The following PDLIM3 variants were observed in gnomAD, a reference collection of about 807,000 sequenced individuals.
PDLIM3 encodes PDZ and LIM domain 3.
A neutral mutation model predicts 37.3 loss-of-function variants in PDLIM3; 36 were observed. The ratio of observed to expected loss-of-function variants is 0.97; its 90% CI spans 0.74 to 1.28. The LOEUF is 1.28. Among genes scored for constraint, PDLIM3 ranks in the 50% most tolerant of loss-of-function variants. PDLIM3 has a pLI of 0.00. For missense variants in PDLIM3, 454 were observed against 485.0 expected (o/e 0.94, Z 0.60); for synonymous variants, 174 against 182.4 (o/e 0.95, Z 0.37).
At chr4:185,527,361 A>G (rs773738282) in intron 1 of PDLIM3, among the ~76,000 whole-genome samples, 1 of 152,222 alleles carries the variant, frequency 6.6e-6, no homozygotes, top group Non-Finnish European at 1.5e-5. Flanking sequence ...GGTTCTAAGG[A>G]AGATACAAGT....
At position 185,514,717 on chromosome 4, in the gene PDLIM3, A is replaced by G. The variant is rs1475250296; in HGVS notation, c.331-380T>C. On this transcript the variant is annotated intron_variant, in intron 3 of 7. Transcript: ENST00000284767. This position sits in a 1 kb window ranked among gnomAD's most constrained non-coding sequence, Gnocchi z 4.0. The stretch of plus-strand genomic sequence containing the variant: ...CGGATACTTACTTTTGAGGTGAGCT[A>G]GGAATGAGACCCCGCAGCTGTCCGT... The G allele has an allele frequency of 6.4e-7, 1 of 1,552,114 alleles. No homozygotes were observed. Among genetic ancestry groups the G allele is most frequent in the East Asian group, 2.4e-5 (1 of 40,916 alleles).
intron 1 of PDLIM3, among the ~76,000 whole-genome samples, chr4:185,533,752 A>G (rs1356606316): frequency 6.6e-6 from 1 of 152,222 alleles, no homozygotes; most frequent in Non-Finnish European, 1.5e-5. Context: ...TATAATGTCA[A>G]CAACTCAAAA....
chr4:185,505,452 C>A lies in PDLIM3; in HGVS notation c.794-866G>T, dbSNP rs529767961. Among the ~76,000 whole-genome samples, 72 of 152,222 alleles carry A rather than the reference C, an allele frequency of 4.7e-4. No individual in the cohort carries two copies. The Middle Eastern group carries it at 0.01, about 22-fold the overall frequency. On this transcript the variant is annotated intron_variant, in intron 6 of 7. Coordinates refer to ENST00000284767, the MANE Select transcript of PDLIM3 (RefSeq NM_014476.6). ...GCCTGGCCAAGAGGTAAAACCCCGTCTCTACCAAAAATACAAAAATTAGCC... is the reference window on the plus strand; with the variant it reads ...GCCTGGCCAAGAGGTAAAACCCCGTATCTACCAAAAATACAAAAATTAGCC...
Position 185,514,836 on chromosome 4 carries a change from C to T in PDLIM3, c.331-499G>A, listed in dbSNP as rs2095712434. On this transcript the variant is annotated intron_variant, in intron 3 of 7. Coordinates refer to ENST00000284767, the MANE Select transcript of PDLIM3 (RefSeq NM_014476.6). The surrounding 1 kb of genome is among the most constrained non-coding windows in gnomAD (Gnocchi z 4.0). ...TGTCTTTTGTCATCAATGTTTGCAG[C>T]TGCAACAAAAGGCTGGGCCCTTCTG... is the stretch of plus-strand genomic sequence containing the variant. 2 of 1,551,708 alleles carry T rather than the reference C, an allele frequency of 1.3e-6. No individual in the cohort carries two copies. The highest frequency in any genetic ancestry group is 1.7e-6 in the Non-Finnish European group (2 of 1,146,994).
chr4:185,532,397 A>AG (rs2095746176), intron 1 of PDLIM3, among the ~76,000 whole-genome samples: 1 of 152,256 alleles, frequency 6.6e-6, no homozygotes, highest in African/African-American at 2.4e-5. Context: ...TGACATAAGG[A>AG]GGGGTTATAC....
Position 185,504,950 on chromosome 4 carries a change from T to G in PDLIM3, c.794-364A>C, listed in dbSNP as rs1403126327. Among the ~76,000 whole-genome samples, 1 of 152,144 alleles carries G rather than the reference T, an allele frequency of 6.6e-6. No homozygotes were observed. Among genetic ancestry groups the G allele is most frequent in the Non-Finnish European group, 1.5e-5 (1 of 68,014 alleles). ...AAATGTTGTGCAAGCACTGCCAATA[T>G]CCACCTCCAGAACTATTTCTTCACC... On this transcript the variant is annotated intron_variant, in intron 6 of 7. Coordinates refer to ENST00000284767, the MANE Select transcript of PDLIM3 (RefSeq NM_014476.6). This position sits in a 1 kb window ranked among gnomAD's most constrained non-coding sequence, Gnocchi z 4.7.
At chr4:185,524,297 C>T (rs919499986) in intron 2 of PDLIM3, among the ~76,000 whole-genome samples, 10 of 152,138 alleles carry the variant, frequency 6.6e-5, no homozygotes, top group African/African-American at 4.8e-5. Flanking sequence ...CCCAAGGAAA[C>T]GGCAGATTGG....
At chr4:185,503,155 C>T (rs1210850048) in intron 7 of PDLIM3, among the ~76,000 whole-genome samples, 12 of 152,180 alleles carry the variant, frequency 7.9e-5, no homozygotes, top group Middle Eastern at 3.4e-3. Flanking sequence ...ACCCGGGAGG[C>T]GGAGGTTGCA....
chr4:185,518,391 C>A (rs946665524), intron 3 of PDLIM3, among the ~76,000 whole-genome samples: 2 of 151,898 alleles, frequency 1.3e-5, no homozygotes, highest in African/African-American at 4.8e-5. Context: ...AATTCTGAAC[C>A]ATCTCCAACA....
chr4:185,515,336 A>C (rs2095713333), intron 3 of PDLIM3: 1 of 152,448 alleles, frequency 6.6e-6, no homozygotes, highest in Non-Finnish European at 1.5e-5. Flanking sequence ...ATTTTGAGAC[A>C]TGAGGGAACA....
chr4:185,505,783 T>A (rs1188062098), intron 6 of PDLIM3, among the ~76,000 whole-genome samples: 1 of 152,214 alleles, frequency 6.6e-6, no homozygotes, highest in African/African-American at 2.4e-5. Context: ...TACCTTCCCA[T>A]CAGTAATGCA....
At chr4:185,502,563 G>A (rs543059217) in intron 7 of PDLIM3, 80 bp from the exon 8 acceptor site, 6 of 1,300,172 alleles carry the variant, frequency 4.6e-6, no homozygotes, top group South Asian at 1.2e-5. Flanking sequence ...CAACAGAGAA[G>A]GCAGATGTTC....
chr4:185,525,163 T>G lies in PDLIM3; in HGVS notation c.102A>C (p.Pro34=). ...NQPLVITRIT[P]GSKAAAANLC... is the part of the protein sequence containing the mutation. ...GGTTGGCAGCTGCCGCCTTGCTTCC[T>G]GGTGTAATCTGGAAGAAATCATGGC... The change falls in exon 2 of 8, where the codon CCA becomes CCC. Residue 34 remains proline, a synonymous_variant. Coordinates refer to ENST00000284767, the MANE Select transcript of PDLIM3 (RefSeq NM_014476.6). 1 of 1,614,118 alleles carries G rather than the reference T, an allele frequency of 6.2e-7. No individual in the cohort carries two copies. Among genetic ancestry groups the G allele is most frequent in the African/African-American group, 1.3e-5 (1 of 75,068 alleles).
Position 185,514,998 on chromosome 4 carries a change from G to C in PDLIM3, c.331-661C>G, listed in dbSNP as rs2095712781. On this transcript the variant is annotated intron_variant, in intron 3 of 7. Transcript: ENST00000284767. The surrounding 1 kb of genome is among the most constrained non-coding windows in gnomAD (Gnocchi z 4.0). ...TAATAAAGGCATCTTTACCCACGAC[G>C]AGATTGACGGAAAGATTAGAGGAGG... 1.2e-6 allele frequency: 1 copy of C among 827,994 alleles called. No homozygotes were observed. The highest frequency in any genetic ancestry group is 3.0e-5 in the Admixed American group (1 of 32,844). The allele number at this position is 827,994 out of a possible 1,614,324, so 51.3% of individuals were successfully genotyped here.
At chr4:185,505,010 C>T (rs1713700790) in intron 6 of PDLIM3, among the ~76,000 whole-genome samples, 1 of 146,016 alleles carries the variant, frequency 6.8e-6, no homozygotes, top group Non-Finnish European at 1.5e-5. Context: ...ACAGTAACTC[C>T]CCACCCATGA....
intron 3 of PDLIM3, among the ~76,000 whole-genome samples, chr4:185,520,228 G>A (rs1000473773): frequency 2.6e-5 from 4 of 151,974 alleles, no homozygotes; most frequent in Non-Finnish European, 5.9e-5. Flanking sequence ...TACATAAACT[G>A]GCCGTGCAGA....
Position 185,510,970 on chromosome 4 carries a change from C to T in PDLIM3, c.399-2408G>A, listed in dbSNP as rs1226929897. Among the ~76,000 whole-genome samples, 10 of 152,238 alleles carry T rather than the reference C, an allele frequency of 6.6e-5. No individual in the cohort carries two copies. The East Asian group carries it at 9.6e-4, about 15-fold the overall frequency. ...GGTCACCACGACCTGTTCCTGATGA[C>T]CTGGAAAGGCAGGTGCTAATGAGAT... is the stretch of plus-strand genomic sequence containing the variant. On this transcript the variant is annotated intron_variant, in intron 4 of 7. Coordinates refer to ENST00000284767, the MANE Select transcript of PDLIM3 (RefSeq NM_014476.6).
In PDLIM3 at chr4:185,502,385, A is replaced by G. The variant is rs149332321; in HGVS notation, c.1004T>C (p.Ile335Thr). 8 of 1,614,184 alleles carry G rather than the reference A, an allele frequency of 5.0e-6. No individual in the cohort carries two copies. Among genetic ancestry groups the G allele is most frequent in the African/African-American group, 2.7e-5 (2 of 75,042 alleles). The change falls in exon 8 of 8, where the codon ATA becomes ACA. Residue 335 changes from isoleucine to threonine, a missense_variant. By Grantham distance (89) the Ile-to-Thr change is moderately conservative (BLOSUM62 -1). Transcript: ENST00000284767. ...GGTTTCGCAGTACAGCTCCCCTTCT[A>G]TGAAGAAGTAGCCCTTTTGCTTGAG... ...LNLKQKGYFFIEGELYCETHA... is the reference protein window; with the variant it reads ...LNLKQKGYFFTEGELYCETHA...
At chr4:185,517,832 C>G (rs566459080) in intron 3 of PDLIM3, 7 of 152,128 alleles carry the variant, frequency 4.6e-5, no homozygotes, top group African/African-American at 1.7e-4. Flanking sequence ...GTGTATACAC[C>G]AAAGGTTTAC....
Sources: allele counts gnomAD v4.1 joint callset (sites outside exome capture counted in the v4.1 genomes callset), GRCh38; gene constraint gnomAD v4.1.1; non-coding constraint Gnocchi (gnomAD v3.1); transcripts MANE v1.5; gene names NCBI Gene and HGNC (gene_info 2026-07-23, HGNC 2026-07-21).